The following NMI variants were observed in gnomAD, a reference collection of about 807,000 sequenced individuals.
NMI encodes N-myc and STAT interactor.
NMI carries 39 observed loss-of-function variants against 34.3 expected under a neutral mutation model. The ratio of observed to expected loss-of-function variants is 1.14; its 90% CI spans 0.88 to 1.49. The LOEUF (loss-of-function observed/expected upper bound fraction) is 1.49, where lower values mean the gene tolerates loss of function less well. NMI is among the 40% of genes most tolerant of loss of function. The pLI, the probability that NMI is intolerant of heterozygous loss-of-function variation, is 0.00. For synonymous variants in NMI, 113 were observed against 120.3 expected, an observed-to-expected ratio of 0.94 and a Z score of 0.40; for missense variants, 339 against 358.1, an observed-to-expected ratio of 0.95 and a Z score of 0.43.
chr2:151,285,473 AG>A (rs1256932485), intron 1 of NMI, among the ~76,000 whole-genome samples: 3 of 151,924 alleles, frequency 2.0e-5, no homozygotes. Flanking sequence ...CTGTAATCCT[AG>A]CTACTCGGGA....
intron 4 of NMI, 124 bp from the exon 5 acceptor site, chr2:151,275,988 A>T: frequency 1.5e-6 from 1 of 676,662 alleles, no homozygotes. Context: ...GTCTAATTTT[A>T]AAAATTTGGC....
At position 151,275,554 on chromosome 2, in the gene NMI, G is replaced by A. The variant is rs367797893; in HGVS notation, c.564C>T (p.Gly188=). The part of the protein sequence containing the change: ...ELSFSKSRNG[G]GEVDRVDYDR... The stretch of plus-strand genomic sequence containing the variant: ...CATAGTCCACGCGGTCCACCTCTCC[G>A]CCTCCATTTCGGGACTTTGAAAAGC... Residue 188 remains glycine, a synonymous_variant, in exon 6 of 8, where the codon GGC becomes GGT. Transcript: ENST00000243346. 73 of 1,614,062 alleles carry A rather than the reference G, an allele frequency of 4.5e-5. No individual in the cohort carries two copies. Among genetic ancestry groups the A allele is most frequent in the African/African-American group, 8.0e-5 (6 of 75,018 alleles).
rs143774153 is a variant in NMI, at chr2:151,277,026, G to GT, written c.341-1163dup. Among the ~76,000 whole-genome samples, 602 of 152,304 alleles carry GT rather than the reference G, an allele frequency of 4.0e-3. 2 individuals are homozygous for GT. The highest frequency in any genetic ancestry group is 0.014 in the African/African-American group (575 of 41,558). On this transcript the variant is annotated intron_variant, in intron 4 of 7. Transcript: ENST00000243346. ...TGTGGCATGAGTTTATAATACTGCA[G>GT]TTGTTGATATTTGGGGCTGCTATTC...
At chr2:151,274,657 T>C (rs1683256122) in intron 6 of NMI, among the ~76,000 whole-genome samples, 1 of 151,190 alleles carries the variant, frequency 6.6e-6, no homozygotes. Context: ...TTTGTATTTT[T>C]AGTAGAGACG....
At chr2:151,281,136 C>T (rs1476118215) in intron 3 of NMI, among the ~76,000 whole-genome samples, 1 of 152,076 alleles carries the variant, frequency 6.6e-6, no homozygotes, top group African/African-American at 2.4e-5. Context: ...CCGCGCCCAG[C>T]CTCAATGCTT....
chr2:151,289,275 AAGAG>A (rs1558879741), intron 1 of NMI, among the ~76,000 whole-genome samples: 1 of 147,840 alleles, frequency 6.8e-6, no homozygotes, highest in Non-Finnish European at 1.5e-5. Flanking sequence ...AAAAAAAAAA[AAGAG>A]AGAAAACAGC....
intron 2 of NMI, 100 bp downstream of exon 2, chr2:151,282,768 A>G: frequency 1.7e-6 from 1 of 603,878 alleles, no homozygotes; most frequent in Non-Finnish European, 2.8e-6. Flanking sequence ...GGCCTCCCAA[A>G]TTCAAGGTAA....
At chr2:151,283,176 T>C (rs1683438652) in intron 1 of NMI, among the ~76,000 whole-genome samples, 1 of 152,066 alleles carries the variant, frequency 6.6e-6, no homozygotes, top group Non-Finnish European at 1.5e-5. Flanking sequence ...AGTCTCTCTC[T>C]GTCGCCCAGG....
intron 3 of NMI, among the ~76,000 whole-genome samples, chr2:151,281,671 A>G (rs1304521684): frequency 6.6e-6 from 1 of 152,146 alleles, no homozygotes; most frequent in African/African-American, 2.4e-5. Context: ...TTTTGTGTTA[A>G]CATTGTGTTT....
Position 151,282,870 on chromosome 2 carries a change from T to G in NMI, c.79A>C (p.Lys27Gln), listed in dbSNP as rs1683430572. 2.1e-6 allele frequency: 3 copies of G among 1,454,512 alleles called. No homozygotes were observed. Among genetic ancestry groups the G allele is most frequent in the Non-Finnish European group, 2.8e-6 (3 of 1,068,264 alleles). The allele number at this position is 1,454,512 out of a possible 1,614,324, so 90.1% of individuals were successfully genotyped here. Residue 27 changes from lysine to glutamine, a missense_variant and splice_region_variant, in exon 2 of 8, where the codon AAG (lysine) becomes CAG (glutamine). Physicochemically the swap from Lys to Gln is moderately conservative, Grantham distance 53 (BLOSUM62 1). Coordinates refer to ENST00000243346, the MANE Select transcript of NMI (RefSeq NM_004688.3). ...PDEFIKDEQN[K>Q]GLIDEITKKN... is the part of the protein sequence containing the mutation. ...ATACCCAGTAATTTCCTTTTTACCT[T>G]ATTTTGTTCATCTTTTATAAATTCA...
At chr2:151,288,084 T>G (rs1050730121) in intron 1 of NMI, among the ~76,000 whole-genome samples, 1 of 152,214 alleles carries the variant, frequency 6.6e-6, no homozygotes, top group African/African-American at 2.4e-5. Flanking sequence ...ATGAGTGGGA[T>G]GTATGGTCAT....
chr2:151,274,583 C>T (rs948405267), intron 6 of NMI, among the ~76,000 whole-genome samples: 2 of 150,130 alleles, frequency 1.3e-5, no homozygotes, highest in African/African-American at 4.9e-5. Flanking sequence ...TCAAGCTATT[C>T]TCCTGCCTGA....
At chr2:151,272,542 C>G (rs1683206935) in intron 6 of NMI, among the ~76,000 whole-genome samples, 1 of 152,130 alleles carries the variant, frequency 6.6e-6, no homozygotes, top group African/African-American at 2.4e-5. Flanking sequence ...TAAAATAGAA[C>G]ATGATATGAT....
intron 6 of NMI, among the ~76,000 whole-genome samples, chr2:151,274,229 G>C (rs894487928): frequency 6.7e-6 from 1 of 149,468 alleles, no homozygotes; most frequent in Non-Finnish European, 1.5e-5. Context: ...TGTAATTCCA[G>C]CTACTCGGGA....
chr2:151,279,688 TG>T (rs916416538), intron 3 of NMI, among the ~76,000 whole-genome samples: 5 of 152,062 alleles, frequency 3.3e-5, no homozygotes, highest in Non-Finnish European at 7.4e-5. Flanking sequence ...TTCACCACGT[TG>T]GCCAGGATGG....
Position 151,271,709 on chromosome 2 carries a change from T to A in NMI, c.658A>T (p.Lys220Ter). ...IGVADKILKK[K>*]EYPLYINQTC... ...TGATTTATATAAAGAGGGTATTCTT[T>A]CTTTTTCAAAATCTTGTCAGCCACT... Residue 220 changes from lysine (K) to a stop codon, truncating the protein, a stop_gained, in exon 7 of 8, where the codon AAA (lysine) becomes TAA (stop). Coordinates refer to ENST00000243346, the MANE Select transcript of NMI (RefSeq NM_004688.3). LOFTEE classifies it high-confidence loss of function. 1.3e-6 allele frequency: 2 copies of A among 1,567,056 alleles called. No homozygotes were observed. Among genetic ancestry groups the A allele is most frequent in the Middle Eastern group, 1.7e-4 (1 of 5,962 alleles).
intron 6 of NMI, among the ~76,000 whole-genome samples, chr2:151,272,096 G>C (rs1683198790): frequency 6.6e-6 from 1 of 152,152 alleles, no homozygotes; most frequent in Non-Finnish European, 1.5e-5. Flanking sequence ...TTTCTCAAAA[G>C]CTGTAAGTGA....
rs1204512744 is a variant in NMI, at chr2:151,275,871, A to G, written c.341-7T>C. 1 of 1,513,638 alleles carries G rather than the reference A, an allele frequency of 6.6e-7. No individual in the cohort carries two copies. The highest frequency in any genetic ancestry group is 2.0e-5 in the Admixed American group (1 of 51,260). The allele number at this position is 1,513,638 out of a possible 1,614,324, so 93.8% of individuals were successfully genotyped here. A position where few individuals can be genotyped will look rare whatever the true frequency, so the allele number is the denominator to read the frequency against. ...CTTACCACATTTTGAGCAACTGAAA[A>G]ATAATTCAGGAAGGAAGTATTAATT... On this transcript the variant is annotated splice_region_variant and splice_polypyrimidine_tract_variant and intron_variant, in intron 4 of 7. Transcript: ENST00000243346.
intron 1 of NMI, among the ~76,000 whole-genome samples, chr2:151,284,377 C>T (rs1683458094): frequency 6.6e-6 from 1 of 152,054 alleles, no homozygotes. Flanking sequence ...CGGCTCACTG[C>T]AGCCTCAACA....
Sources: gnomAD v4.1 joint callset for allele counts (sites outside exome capture counted in the v4.1 genomes callset) on GRCh38, gnomAD v4.1.1 for gene constraint, MANE v1.5 for transcripts, NCBI Gene and HGNC (gene_info 2026-07-23, HGNC 2026-07-21) for gene names.